The following ADARB2 variants were observed in gnomAD, a reference collection of about 807,000 sequenced individuals.
The protein encoded by ADARB2 is inactive double-stranded RNA-specific editase B2.
In ADARB2, 25 loss-of-function variants were observed where a neutral mutation model predicts 62.2. The observed-to-expected ratio is 0.40, with a 90% CI of 0.29 to 0.56. The LOEUF (loss-of-function observed/expected upper bound fraction) is 0.56. Ranked by LOEUF, ADARB2 falls within the 20% of genes least tolerant of loss-of-function variation. The pLI is 0.43. For missense variants in ADARB2, 1,071 were observed against 1,077.4 expected (o/e 0.99, Z 0.08); for synonymous variants, 572 against 500.8 (o/e 1.14, Z -1.90).
intron 1 of ADARB2, among the ~76,000 whole-genome samples, chr10:1,604,776 T>C (rs950161155): frequency 6.6e-6 from 1 of 152,180 alleles, no homozygotes; most frequent in Non-Finnish European, 1.5e-5. Context: ...GCATCAACTA[T>C]AGTGTCTGGT....
chr10:1,572,404 T>C (rs540121139), intron 1 of ADARB2, among the ~76,000 whole-genome samples: 1 of 152,192 alleles, frequency 6.6e-6, no homozygotes, highest in South Asian at 2.1e-4. Flanking sequence ...CACCAGCATA[T>C]AGAAGAGGGA....
chr10:1,735,984 C>A (rs113480261), intron 1 of ADARB2, among the ~76,000 whole-genome samples: 48 of 152,302 alleles, frequency 3.2e-4, no homozygotes, highest in African/African-American at 9.9e-4. Context: ...AGATGGACAA[C>A]CCCAAACACA....
At chr10:1,724,815 G>T (rs1340117745) in intron 1 of ADARB2, among the ~76,000 whole-genome samples, 1 of 152,210 alleles carries the variant, frequency 6.6e-6, no homozygotes, top group African/African-American at 2.4e-5. Context: ...ATAAGCAGGG[G>T]TGTCGTAGGG....
chr10:1,477,746 C>T lies in ADARB2; in HGVS notation c.101-98586G>A, dbSNP rs970423310. 6.6e-6 allele frequency among the ~76,000 whole-genome samples: 1 copy of T among 152,230 alleles called. No individual in the cohort carries two copies. The highest frequency in any genetic ancestry group is 1.5e-5 in the Non-Finnish European group (1 of 68,046). ...TGCCTTCGTGACTATTTCCCTTAGACATAAATAGAGACCACAGCCACGTGT... is the reference window on the plus strand; with the variant it reads ...TGCCTTCGTGACTATTTCCCTTAGATATAAATAGAGACCACAGCCACGTGT... On this transcript the variant is annotated intron_variant, in intron 1 of 9. Transcript: ENST00000381312. The surrounding 1 kb of genome is among the most constrained non-coding windows in gnomAD (Gnocchi z 4.5).
intron 1 of ADARB2, among the ~76,000 whole-genome samples, chr10:1,727,043 C>T (rs1481588816): frequency 6.6e-6 from 1 of 152,172 alleles, no homozygotes; most frequent in Non-Finnish European, 1.5e-5. Context: ...GAAAGGTGTT[C>T]AGTAAATGTT....
intron 1 of ADARB2, among the ~76,000 whole-genome samples, chr10:1,465,628 C>CA (rs1831244968): frequency 6.6e-6 from 1 of 152,196 alleles, no homozygotes; most frequent in African/African-American, 2.4e-5. Context: ...TTTACCTGTC[C>CA]TCAGACTGAC....
intron 1 of ADARB2, among the ~76,000 whole-genome samples, chr10:1,385,743 G>C (rs372880316): frequency 6.6e-6 from 1 of 152,132 alleles, no homozygotes. Context: ...TAGTTTAAAA[G>C]TTTTCAATTC....
intron 1 of ADARB2, among the ~76,000 whole-genome samples, chr10:1,528,129 G>A (rs377269645): frequency 1.3e-5 from 2 of 152,208 alleles, no homozygotes; most frequent in Admixed American, 6.5e-5. Flanking sequence ...ACTCGTGTCC[G>A]CGGCTGTGGG....
intron 3 of ADARB2, among the ~76,000 whole-genome samples, chr10:1,304,060 A>G (rs1831601639): frequency 6.6e-6 from 1 of 151,124 alleles, no homozygotes. Context: ...AAATGCTCCA[A>G]TTAAAAGACA....
At chr10:1,476,517 G>C (rs1831403381) in intron 1 of ADARB2, among the ~76,000 whole-genome samples, 1 of 152,214 alleles carries the variant, frequency 6.6e-6, no homozygotes, top group East Asian at 1.9e-4. Flanking sequence ...CAGCCCAGAA[G>C]CTGAGGCCTG....
At chr10:1,456,919 C>A (rs554417626) in intron 1 of ADARB2, among the ~76,000 whole-genome samples, 11 of 152,216 alleles carry the variant, frequency 7.2e-5, no homozygotes, top group African/African-American at 2.6e-4. Flanking sequence ...CTCAACCTCC[C>A]GAGTAGCTGA....
intron 3 of ADARB2, among the ~76,000 whole-genome samples, chr10:1,316,354 G>T (rs1412356568): frequency 6.6e-6 from 1 of 152,236 alleles, no homozygotes; most frequent in East Asian, 1.9e-4. Context: ...GCCTCACCCA[G>T]CTTCCTCACC....
chr10:1,482,282 A>C (rs541643654), intron 1 of ADARB2, among the ~76,000 whole-genome samples: 1 of 152,368 alleles, frequency 6.6e-6, no homozygotes, highest in South Asian at 2.1e-4. Flanking sequence ...TTCAATACCC[A>C]TGTACACAAT....
At chr10:1,469,268 G>A (rs1246972974) in intron 1 of ADARB2, among the ~76,000 whole-genome samples, 4 of 152,132 alleles carry the variant, frequency 2.6e-5, no homozygotes, top group Admixed American at 6.5e-5. Context: ...GCACGGCTCC[G>A]GGAGGTCACG....
chr10:1,362,575 C>T (rs1386474938), intron 3 of ADARB2, among the ~76,000 whole-genome samples: 2 of 152,200 alleles, frequency 1.3e-5, no homozygotes, highest in Admixed American at 6.5e-5. Flanking sequence ...GGCCTCCCAG[C>T]GCGATTCTCC....
intron 7 of ADARB2, 131 bp from the exon 8 acceptor site, chr10:1,200,278 G>T: frequency 7.9e-7 from 1 of 1,271,598 alleles, no homozygotes; most frequent in Non-Finnish European, 1.1e-6. Context: ...GGAGCTCCCT[G>T]GGAGTGCCCC....
intron 1 of ADARB2, among the ~76,000 whole-genome samples, chr10:1,548,406 G>A (rs529638065): frequency 6.6e-6 from 1 of 152,372 alleles, no homozygotes; most frequent in South Asian, 2.1e-4. Flanking sequence ...TGAGTACAGA[G>A]CCTGAGGGGG....
intron 6 of ADARB2, among the ~76,000 whole-genome samples, 193 bp downstream of exon 6, chr10:1,233,501 A>G (rs1830829213): frequency 2.0e-5 from 3 of 152,190 alleles, no homozygotes. Context: ...CTCTTCTGCC[A>G]ATCACTTGAG....
rs1806293 is a variant in ADARB2 at position 1,384,948 on chromosome 10, G to A, written c.101-5788C>T. On this transcript the variant is annotated intron_variant, in intron 1 of 9. Transcript: ENST00000381312. ...TGAAAGTCTGGCATTCTGATCAGGC[G>A]GAGTCATAGATCACTGAAGAGCTAG... 5.8e-3 allele frequency among the ~76,000 whole-genome samples: 890 copies of A among 152,270 alleles called. 29 individuals are homozygous for A. The highest frequency in any genetic ancestry group is 0.05 in the Admixed American group (762 of 15,292).
Sources: allele counts gnomAD v4.1 joint callset (sites outside exome capture counted in the v4.1 genomes callset), GRCh38; gene constraint gnomAD v4.1.1; non-coding constraint Gnocchi (gnomAD v3.1); transcripts MANE v1.5; gene names NCBI Gene and HGNC (gene_info 2026-07-23, HGNC 2026-07-21).